PJVK: variants seen among roughly 807,000 people sequenced by gnomAD.
PJVK encodes autosomal recessive deafness type 59 protein.
A neutral mutation model predicts 37.6 loss-of-function variants in PJVK; 33 were observed. That is an observed-to-expected ratio of 0.88 (90% CI 0.67 to 1.17). The LOEUF is 1.17. Ranked by LOEUF, PJVK falls within the 50% of genes most tolerant of loss-of-function variation. The pLI is 0.00. For missense variants in PJVK, 410 were observed against 413.8 expected (o/e 0.99, Z 0.08); for synonymous variants, 141 against 143.5 (o/e 0.98, Z 0.13).
At chr2:178,458,722 C>T (rs964652883) in intron 5 of PJVK, 95 bp downstream of exon 5, 21 of 1,035,214 alleles carry the variant, frequency 2.0e-5, no homozygotes, top group South Asian at 3.8e-5. Flanking sequence ...TCTCATTTCT[C>T]GTGTCTAACA....
intron 1 of PJVK, chr2:178,452,424 C>G: frequency 5.1e-6 from 5 of 985,176 alleles, no homozygotes; most frequent in Non-Finnish European, 4.8e-6. Flanking sequence ...AGCCTATTCT[C>G]TCTTCCTCTC....
At position 178,453,406 on chromosome 2, in the gene PJVK, T is replaced by C. The variant is rs777960074; in HGVS notation, c.-4T>C. 3 of 1,614,072 alleles carry C rather than the reference T, an allele frequency of 1.9e-6. No homozygotes were observed. The highest frequency in any genetic ancestry group is 2.5e-6 in the Non-Finnish European group (3 of 1,179,964). Reference sequence around the variant, plus strand: ...GTTGCAGTTGATGACGTTTTGATTTTAATATGTTTGCTGCTGCTACCAAGA... The same window carrying C: ...GTTGCAGTTGATGACGTTTTGATTTCAATATGTTTGCTGCTGCTACCAAGA... On this transcript the variant is annotated 5_prime_UTR_variant, in exon 2 of 7. Coordinates refer to ENST00000644580, the MANE Select transcript of PJVK (RefSeq NM_001042702.5).
chr2:178,454,769 G>A, intron 3 of PJVK: 1 of 1,582,026 alleles, frequency 6.3e-7, no homozygotes. Context: ...AAGAGGCAGA[G>A]AGGCTGCAGC....
intron 3 of PJVK, 87 bp downstream of exon 3, chr2:178,454,614 T>C: frequency 6.8e-7 from 1 of 1,479,102 alleles, no homozygotes; most frequent in Non-Finnish European, 9.3e-7. Flanking sequence ...CTTAAAACAT[T>C]GAGGTTGTAT....
rs547910660 is a variant in PJVK at position 178,455,217 on chromosome 2, C to T, written c.407+690C>T. On this transcript the variant is annotated intron_variant, in intron 3 of 6. Transcript: ENST00000644580. The stretch of plus-strand genomic sequence containing the variant: ...TGGAGCCGCTTGGTGTCCAGTGACC[C>T]TGAGATCAATACCAAGAAGATTAAC... The T allele has an allele frequency of 7.7e-6, 12 of 1,566,632 alleles. No individual in the cohort carries two copies. In the South Asian group the frequency reaches 1.3e-4, roughly 17 times the overall value.
At chr2:178,451,880 T>TA (rs1697690436) in intron 1 of PJVK, 111 bp downstream of exon 1, 1 of 982,356 alleles carries the variant, frequency 1.0e-6, no homozygotes, top group Non-Finnish European at 1.2e-6. Context: ...GGTGGGCCAT[T>TA]AGATGACGTG....
chr2:178,455,430 C>A (rs1683988449), intron 3 of PJVK: 6 of 1,366,474 alleles, frequency 4.4e-6, no homozygotes, highest in Non-Finnish European at 5.2e-6. Flanking sequence ...TTCAACTAGC[C>A]CCTGTTTTTC....
At chr2:178,452,460 T>G in intron 1 of PJVK, 1 of 985,112 alleles carries the variant, frequency 1.0e-6, no homozygotes, top group Non-Finnish European at 1.2e-6. Flanking sequence ...GTATATAGAT[T>G]ACTATCCATC....
rs748779811 is a variant in PJVK, at chr2:178,460,848, C to CAAA, written c.767-112_767-110dup. ...TGGGTGACAGAGCCAGACCCTGTCT[C>CAAA]AAAAAAAAAAAAAAAAAAAAAAAAG... On this transcript the variant is annotated intron_variant, in intron 6 of 6. Transcript: ENST00000644580. 2.9e-3 allele frequency: 903 copies of CAAA among 309,158 alleles called. 1 individual carries two copies. The highest frequency in any genetic ancestry group is 5.2e-3 in the East Asian group (58 of 11,166). The allele number at this position is 309,158 out of a possible 1,614,324, so 19.2% of individuals were successfully genotyped here.
intron 3 of PJVK, chr2:178,455,192 TG>T (rs1575115443): frequency 9.5e-6 from 15 of 1,586,318 alleles, no homozygotes; most frequent in Non-Finnish European, 3.5e-6. Context: ...GATGGAGTGG[TG>T]GAGCCGCTTG....
intron 6 of PJVK, 95 bp downstream of exon 6, chr2:178,460,541 A>C (rs1386126216): frequency 9.0e-6 from 11 of 1,215,682 alleles, no homozygotes; most frequent in Non-Finnish European, 1.2e-5. Flanking sequence ...CTGTTAAGGA[A>C]AAATTTAAAT....
rs751054350 is a variant in PJVK at position 178,460,335 on chromosome 2, A to AT, written c.668-5dup. On this transcript the variant is annotated splice_polypyrimidine_tract_variant and intron_variant, in intron 5 of 6. Coordinates refer to ENST00000644580, the MANE Select transcript of PJVK (RefSeq NM_001042702.5). ...ATTCAAGTTATAACATCTTCTAACA[A>AT]TTTTTTTTGTAGACCTTTGTGTCAC... 1.2e-5 allele frequency: 20 copies of AT among 1,605,584 alleles called. No individual in the cohort carries two copies. Among genetic ancestry groups the AT allele is most frequent in the African/African-American group, 4.0e-5 (3 of 74,734 alleles).
At position 178,453,639 on chromosome 2, in the gene PJVK, G is replaced by A. The variant is rs1291832989; in HGVS notation, c.211+19G>A. ...TCAGCTGGTAAGTTTAAATGTTTGG[G>A]AGTGCCAACTCATTCATCTGTATTA... On this transcript the variant is annotated intron_variant, in intron 2 of 6. Transcript: ENST00000644580. 6.3e-7 allele frequency: 1 copy of A among 1,592,726 alleles called. No homozygotes were observed. The highest frequency in any genetic ancestry group is 1.3e-5 in the African/African-American group (1 of 74,470).
rs770131524 is a variant in PJVK, at chr2:178,456,021, T to G, written c.419T>G (p.Phe140Cys). Residue 140 changes from phenylalanine to cysteine, a missense_variant, in exon 4 of 7, where the codon TTT becomes TGT. Physicochemically the swap from Phe to Cys is radical, Grantham distance 205. Transcript: ENST00000644580. The part of the protein sequence containing the change: ...LKEITTRKIN[F>C]DHSLIRQSRS... Reference sequence around the variant, plus strand: ...CTTCTTTATTTTAGAAAAATTAACTTTGACCACAGCTTGATACGTCAGTCA... The same window carrying G: ...CTTCTTTATTTTAGAAAAATTAACTGTGACCACAGCTTGATACGTCAGTCA... 8 of 1,614,138 alleles carry G rather than the reference T, an allele frequency of 5.0e-6. No individual in the cohort carries two copies. The Admixed American group carries it at 6.7e-5, about 13-fold the overall frequency.
chr2:178,461,164 T>G lies in PJVK; in HGVS notation c.949T>G (p.Phe317Val). 6.2e-7 allele frequency: 1 copy of G among 1,614,186 alleles called. No homozygotes were observed. Among genetic ancestry groups the G allele is most frequent in the Non-Finnish European group, 8.5e-7 (1 of 1,180,012 alleles). The part of the protein sequence containing the change: ...GPCILCGMGN[F>V]KRETVYGCFQ... Reference sequence around the variant, plus strand: ...TTGCATACTCTGTGGAATGGGGAACTTCAAAAGGGAGACAGTTTATGGGTG... The same window carrying G: ...TTGCATACTCTGTGGAATGGGGAACGTCAAAAGGGAGACAGTTTATGGGTG... Residue 317 changes from phenylalanine (F) to valine (V), a missense_variant, in exon 7 of 7, where the codon TTC becomes GTC. Phe to Val is a conservative substitution (Grantham distance 50). Coordinates refer to ENST00000644580, the MANE Select transcript of PJVK (RefSeq NM_001042702.5).
intron 1 of PJVK, 146 bp downstream of exon 1, chr2:178,451,915 C>T (rs1289100925): frequency 1.4e-5 from 12 of 882,292 alleles, no homozygotes; most frequent in Non-Finnish European, 1.6e-5. Context: ...GCTTGCTAGG[C>T]ACTAGCAGAA....
chr2:178,456,573 T>A (rs527311302), intron 4 of PJVK, among the ~76,000 whole-genome samples: 1 of 152,028 alleles, frequency 6.6e-6, no homozygotes, highest in African/African-American at 2.4e-5. Flanking sequence ...GGAGATCAAG[T>A]TGGGCAACAC....
At position 178,454,408 on chromosome 2, in the gene PJVK, T is replaced by G; in HGVS notation, c.288T>G (p.Ile96Met). The G allele has an allele frequency of 6.2e-7, 1 of 1,614,032 alleles. No individual in the cohort carries two copies. The highest frequency in any genetic ancestry group is 8.5e-7 in the Non-Finnish European group (1 of 1,179,960). The stretch of plus-strand genomic sequence containing the variant: ...TCTATGGAAGGCGAGGTAACCATAT[T>G]GTAAATGACGTTGGGATTAACGTTG... ...VSLYGRRGNH[I>M]VNDVGINVAG... The change falls in exon 3 of 7, where the codon ATT becomes ATG. Residue 96 changes from isoleucine (I) to methionine (M), a missense_variant. Coordinates refer to ENST00000644580, the MANE Select transcript of PJVK (RefSeq NM_001042702.5).
intron 3 of PJVK, chr2:178,455,332 G>C: frequency 1.6e-6 from 2 of 1,279,822 alleles, no homozygotes; most frequent in South Asian, 1.2e-5. Context: ...AGTCCATGGG[G>C]CTGCCAACCT....
Sources: gnomAD v4.1 joint callset for allele counts (sites outside exome capture counted in the v4.1 genomes callset) on GRCh38, gnomAD v4.1.1 for gene constraint, MANE v1.5 for transcripts, NCBI Gene and HGNC (gene_info 2026-07-23, HGNC 2026-07-21) for gene names.